EPHA2: variants seen among roughly 807,000 people sequenced by gnomAD.
EPHA2 encodes the protein EPH receptor A2.
EPHA2 carries 54 observed loss-of-function variants against 104.9 expected under a neutral mutation model. The observed-to-expected ratio is 0.51, with a 90% CI of 0.41 to 0.65. EPHA2 has a LOEUF of 0.65. EPHA2 is among the 30% of genes least tolerant of loss of function. EPHA2 has a pLI of 0.00. For synonymous variants in EPHA2, 560 were observed against 559.1 expected (o/e 1.00, Z -0.02); for missense variants, 1,117 against 1,369.5 (o/e 0.82, Z 2.91).
Position 16,150,909 on chromosome 1 carries a change from G to T in EPHA2, c.140C>A (p.Pro47Gln), listed in dbSNP as rs775244495. The T allele has an allele frequency of 6.2e-7, 1 of 1,614,058 alleles. No homozygotes were observed. The highest frequency in any genetic ancestry group is 8.5e-7 in the Non-Finnish European group (1 of 1,180,010). Residue 47 changes from proline to glutamine, a missense_variant, in exon 2 of 17, where the codon CCG (proline) becomes CAG (glutamine). Coordinates refer to ENST00000358432, the MANE Select transcript of EPHA2 (RefSeq NM_004431.5). The surrounding 1 kb of genome is among the most constrained non-coding windows in gnomAD (Gnocchi z 4.8). ...AGGCTTACATACCCCTTTGCCATACGGGTGTGTGAGCCAGCCGAGCTCCCC... is the reference window on the plus strand; with the variant it reads ...AGGCTTACATACCCCTTTGCCATACTGGTGTGTGAGCCAGCCGAGCTCCCC... Reference protein sequence around the residue: ...AGGELGWLTHPYGKGWDLMQN... With the variant: ...AGGELGWLTHQYGKGWDLMQN...
Position 16,138,110 on chromosome 1 carries a change from T to C in EPHA2, c.1055A>G (p.Gln352Arg). The change falls in exon 5 of 17, where the codon CAG becomes CGG. Residue 352 changes from glutamine (Q) to arginine (R), a missense_variant. Around this residue, in one of 3 missense-constraint regions of EPHA2, gnomAD observed 664 missense variants for 784.8 expected, o/e 0.85. Coordinates refer to ENST00000358432, the MANE Select transcript of EPHA2 (RefSeq NM_004431.5). The part of the protein sequence containing the change: ...AKVELRWTPP[Q>R]DSGGREDIVY... ...AATGTCCTCGCGGCCCCCGCTGTCC[T>C]GAGGGGGCGTCCAGCGCAGCTCCAC... The C allele has an allele frequency of 6.2e-7, 1 of 1,609,766 alleles. No individual in the cohort carries two copies. The highest frequency in any genetic ancestry group is 1.1e-5 in the South Asian group (1 of 91,064).
rs1280470404 is a variant in EPHA2 at position 16,150,772 on chromosome 1, GA to G, written c.153+123del. The G allele has an allele frequency of 8.9e-7, 1 of 1,122,070 alleles. No individual in the cohort carries two copies. Among genetic ancestry groups the G allele is most frequent in the African/African-American group, 1.5e-5 (1 of 65,492 alleles). 69.5% of individuals were successfully genotyped at this position (1,122,070 alleles called of 1,614,324 possible). ...GTGTGAGAAGCTGGACCCTGAGCCT[GA>G]GACCTGGCTGAGCTGCTGAATTGAA... On this transcript the variant is annotated intron_variant, in intron 2 of 16. Transcript: ENST00000358432. The surrounding 1 kb of genome is among the most constrained non-coding windows in gnomAD (Gnocchi z 4.8).
In EPHA2 at chr1:16,135,022, GT is replaced by G. The variant is rs1557505627; in HGVS notation, c.1582+13del. ...GGCCCTGGCCTGGTCCATGCCCAGG[GT>G]CCCCCAACTCACACAGCGTCTGGAA... On this transcript the variant is annotated intron_variant, in intron 7 of 16. Transcript: ENST00000358432. This position sits in a 1 kb window ranked among gnomAD's most constrained non-coding sequence, Gnocchi z 4.3. 3 of 1,611,024 alleles carry G rather than the reference GT, an allele frequency of 1.9e-6. No individual in the cohort carries two copies. In the South Asian group the frequency reaches 3.3e-5, roughly 18 times the overall value.
In EPHA2 at chr1:16,137,989, C is replaced by A. The variant is rs772647370; in HGVS notation, c.1176G>T (p.Leu392=). The A allele has an allele frequency of 3.1e-6, 5 of 1,614,106 alleles. No individual in the cohort carries two copies. In the South Asian group the frequency reaches 5.5e-5, roughly 18 times the overall value. ...CGCTCACTGTCACACTGGTGCGGGTCAGTCCGTGAGGAGGCTCCGAGTAGC... is the reference window on the plus strand; with the variant it reads ...CGCTCACTGTCACACTGGTGCGGGTAAGTCCGTGAGGAGGCTCCGAGTAGC... ...SVRYSEPPHG[L]TRTSVTVSDL... Residue 392 remains leucine, a synonymous_variant, in exon 5 of 17, where the codon CTG becomes CTT. Coordinates refer to ENST00000358432, the MANE Select transcript of EPHA2 (RefSeq NM_004431.5).
chr1:16,143,969 T>A (rs956758347), intron 3 of EPHA2, among the ~76,000 whole-genome samples: 3 of 152,104 alleles, frequency 2.0e-5, no homozygotes, highest in Non-Finnish European at 4.4e-5. Context: ...CCCTGTCCCT[T>A]TCACACACAC....
Position 16,148,366 on chromosome 1 carries a change from A to C in EPHA2, c.823+12T>G. The stretch of plus-strand genomic sequence containing the variant: ...AGAACCCCCTTCCCTGCAACCCAGA[A>C]CCGTCACTCACCCTGGCAGGCATCC... On this transcript the variant is annotated intron_variant, in intron 3 of 16. Transcript: ENST00000358432. This position sits in a 1 kb window ranked among gnomAD's most constrained non-coding sequence, Gnocchi z 4.9. The C allele has an allele frequency of 6.2e-7, 1 of 1,613,324 alleles. No homozygotes were observed. The highest frequency in any genetic ancestry group is 8.5e-7 in the Non-Finnish European group (1 of 1,180,002).
In EPHA2 at chr1:16,130,146, GGT is replaced by G; in HGVS notation, c.2669+78_2669+79del. ...GCACCCCCCCTACCAGCTTCACCTGGGTGGCCACTCTACCGAAGTGGTTCAAG... is the reference window on the plus strand; with the variant it reads ...GCACCCCCCCTACCAGCTTCACCTGGGGCCACTCTACCGAAGTGGTTCAAG... On this transcript the variant is annotated intron_variant, in intron 15 of 16. Coordinates refer to ENST00000358432, the MANE Select transcript of EPHA2 (RefSeq NM_004431.5). This position sits in a 1 kb window ranked among gnomAD's most constrained non-coding sequence, Gnocchi z 4.5. 3 of 1,585,398 alleles carry G rather than the reference GGT, an allele frequency of 1.9e-6. No homozygotes were observed. Among genetic ancestry groups the G allele is most frequent in the Non-Finnish European group, 2.6e-6 (3 of 1,155,532 alleles).
rs4661707 is a variant in EPHA2, at chr1:16,128,648, T to A, written c.2825+786A>T. Among the ~76,000 whole-genome samples the A allele has an allele frequency of 1.6e-4, 24 of 152,292 alleles. No homozygotes were observed. Among genetic ancestry groups the A allele is most frequent in the African/African-American group, 2.6e-4 (11 of 41,548 alleles). ...AGGCTAAGAGGATAGGGTCTCCCCCTTCCTGGGACAGGAGGAGGTGTCTGT... is the reference window on the plus strand; with the variant it reads ...AGGCTAAGAGGATAGGGTCTCCCCCATCCTGGGACAGGAGGAGGTGTCTGT... On this transcript the variant is annotated intron_variant, in intron 16 of 16. Coordinates refer to ENST00000358432, the MANE Select transcript of EPHA2 (RefSeq NM_004431.5). This position sits in a 1 kb window ranked among gnomAD's most constrained non-coding sequence, Gnocchi z 4.7.
chr1:16,146,234 G>A (rs7545941), intron 3 of EPHA2, among the ~76,000 whole-genome samples: 7 of 152,142 alleles, frequency 4.6e-5, no homozygotes, highest in Non-Finnish European at 1.0e-4. Flanking sequence ...GAACTAAGTC[G>A]GAAATTTCGC....
rs1472477860 is a variant in EPHA2 at position 16,148,772 on chromosome 1, G to A, written c.429C>T (p.Asp143=). 3.1e-6 allele frequency: 5 copies of A among 1,614,132 alleles called. No homozygotes were observed. Among genetic ancestry groups the A allele is most frequent in the Non-Finnish European group, 3.4e-6 (4 of 1,180,052 alleles). Residue 143 remains aspartate (D), a synonymous_variant, in exon 3 of 17, where the codon GAC becomes GAT. Coordinates refer to ENST00000358432, the MANE Select transcript of EPHA2 (RefSeq NM_004431.5). This position sits in a 1 kb window ranked among gnomAD's most constrained non-coding sequence, Gnocchi z 4.9. ...NFQKRLFTKI[D]TIAPDEITVS... ...CGGTGATCTCATCGGGCGCAATGGTGTCAATCTTGGTGAACAGGCGCTTCT... is the reference window on the plus strand; with the variant it reads ...CGGTGATCTCATCGGGCGCAATGGTATCAATCTTGGTGAACAGGCGCTTCT...
Position 16,134,521 on chromosome 1 carries a change from G to C in EPHA2, c.1629C>G (p.Val543=). 6.2e-7 allele frequency: 1 copy of C among 1,614,090 alleles called. No homozygotes were observed. The highest frequency in any genetic ancestry group is 8.5e-7 in the Non-Finnish European group (1 of 1,180,028). The change falls in exon 8 of 17, where the codon GTC becomes GTG. Residue 543 remains valine, a synonymous_variant. Coordinates refer to ENST00000358432, the MANE Select transcript of EPHA2 (RefSeq NM_004431.5). This position sits in a 1 kb window ranked among gnomAD's most constrained non-coding sequence, Gnocchi z 4.5. ...GNLAVIGGVA[V]GVVLLLVLAG... ...CCAGCACCAGAAGCAGGACCACACC[G>C]ACAGCCACGCCGCCAATCACCGCCA...
intron 1 of EPHA2, among the ~76,000 whole-genome samples, chr1:16,155,028 A>G (rs2025125343): frequency 1.3e-5 from 2 of 151,648 alleles, no homozygotes; most frequent in Admixed American, 1.3e-4. Flanking sequence ...GCGGCCCCTC[A>G]CTCGGCGCGG....
In EPHA2 at chr1:16,128,759, C is replaced by G. The variant is rs1342086265; in HGVS notation, c.2825+675G>C. 6.6e-6 allele frequency among the ~76,000 whole-genome samples: 1 copy of G among 152,150 alleles called. No homozygotes were observed. The highest frequency in any genetic ancestry group is 2.4e-5 in the African/African-American group (1 of 41,434). ...AGGGGCAGCTTGACAAAGGGGCAAA[C>G]CCAGGGCCAGCAGAGAGTAAGTGGC... is the stretch of plus-strand genomic sequence containing the variant. On this transcript the variant is annotated intron_variant, in intron 16 of 16. Coordinates refer to ENST00000358432, the MANE Select transcript of EPHA2 (RefSeq NM_004431.5). The surrounding 1 kb of genome is among the most constrained non-coding windows in gnomAD (Gnocchi z 4.7).
intron 1 of EPHA2, among the ~76,000 whole-genome samples, chr1:16,152,551 G>T (rs1185569933): frequency 2.0e-5 from 3 of 152,182 alleles, no homozygotes; most frequent in Non-Finnish European, 4.4e-5. Flanking sequence ...ACATGCCCAG[G>T]GCCGGGGCTT....
intron 3 of EPHA2, among the ~76,000 whole-genome samples, chr1:16,143,185 T>TGGATGGAC (rs2024859968): frequency 6.9e-6 from 1 of 144,906 alleles, no homozygotes; most frequent in Non-Finnish European, 1.5e-5. Context: ...GATGGATGGA[T>TGGATGGAC]GGATGAATGG....
At chr1:16,140,683 A>G (rs1426776521) in intron 3 of EPHA2, among the ~76,000 whole-genome samples, 1 of 151,698 alleles carries the variant, frequency 6.6e-6, no homozygotes, top group Non-Finnish European at 1.5e-5. Flanking sequence ...AAGTGGTGGG[A>G]TCTCAGCTCA....
Position 16,124,378 on chromosome 1 carries a change from A to T in EPHA2, c.*837T>A, listed in dbSNP as rs552021933. 1 of 152,780 alleles carries T rather than the reference A, an allele frequency of 6.5e-6. No individual in the cohort carries two copies. The highest frequency in any genetic ancestry group is 1.5e-5 in the Non-Finnish European group (1 of 68,040). The allele number at this position is 152,780 out of a possible 1,614,324, so 9.5% of individuals were successfully genotyped here. On this transcript the variant is annotated 3_prime_UTR_variant, in exon 17 of 17. Coordinates refer to ENST00000358432, the MANE Select transcript of EPHA2 (RefSeq NM_004431.5). The stretch of plus-strand genomic sequence containing the variant: ...GCAACTTTATTCCAGAGCAGAAATA[A>T]GTCATTTTCTAACAATAAATATAAA...
At position 16,147,842 on chromosome 1, in the gene EPHA2, C is replaced by T. The variant is rs1005233527; in HGVS notation, c.823+536G>A. Among the ~76,000 whole-genome samples, 4 of 151,824 alleles carry T rather than the reference C, an allele frequency of 2.6e-5. No individual in the cohort carries two copies. In the East Asian group the frequency reaches 5.8e-4, roughly 22 times the overall value. The stretch of plus-strand genomic sequence containing the variant: ...TTGTTTCAGAGTCATCAATCATAAA[C>T]TCCACATTCTGCTGTTTCTCAATTC... On this transcript the variant is annotated intron_variant, in intron 3 of 16. Coordinates refer to ENST00000358432, the MANE Select transcript of EPHA2 (RefSeq NM_004431.5).
chr1:16,125,236 G>A lies in EPHA2; in HGVS notation c.2910C>T (p.Asn970=), dbSNP rs2024441857. 2 of 1,614,038 alleles carry A rather than the reference G, an allele frequency of 1.2e-6. No individual in the cohort carries two copies. Among genetic ancestry groups the A allele is most frequent in the Non-Finnish European group, 1.7e-6 (2 of 1,180,016 alleles). The change falls in exon 17 of 17, where the codon AAC becomes AAT. Residue 970 remains asparagine, a synonymous_variant. Transcript: ENST00000358432. This position sits in a 1 kb window ranked among gnomAD's most constrained non-coding sequence, Gnocchi z 4.9. ...YSLLGLKDQV[N]TVGIPI The stretch of plus-strand genomic sequence containing the variant: ...AGGCTCAGATGGGGATCCCCACAGT[G>A]TTCACCTGGTCCTTGAGTCCCAGCA...
Sources: gnomAD v4.1 joint callset for allele counts (sites outside exome capture counted in the v4.1 genomes callset) on GRCh38, gnomAD v4.1.1 for gene constraint, gnomAD v4.1.1 regional missense constraint, Gnocchi (gnomAD v3.1) non-coding constraint, MANE v1.5 for transcripts, NCBI Gene and HGNC (gene_info 2026-07-23, HGNC 2026-07-21) for gene names.